Variants in KIAA0825 observed in about 807,000 individuals in gnomAD.
KIAA0825 encodes the protein uncharacterized protein KIAA0825.
Under a neutral mutation model 147.6 loss-of-function variants are expected in KIAA0825, and 119 were observed. That is an observed-to-expected ratio of 0.81 (90% CI 0.69 to 0.94). The LOEUF (loss-of-function observed/expected upper bound fraction) is 0.94, where lower values mean the gene tolerates loss of function less well. KIAA0825 is among the 40% of genes least tolerant of loss of function. The pLI, the probability that KIAA0825 is intolerant of heterozygous loss-of-function variation, is 0.00. For synonymous variants in KIAA0825, 470 were observed against 518.1 expected (o/e 0.91, Z 1.26); for missense variants, 1,381 against 1,472.7 (o/e 0.94, Z 1.02).
chr5:94,403,945 C>G (rs953363507), intron 15 of KIAA0825, among the ~76,000 whole-genome samples, 152 bp from the exon 16 acceptor site: 1 of 151,820 alleles, frequency 6.6e-6, no homozygotes, highest in South Asian at 2.1e-4. Context: ...GATAACCACC[C>G]CATAAAACAT....
intron 20 of KIAA0825, among the ~76,000 whole-genome samples, chr5:94,234,474 C>T (rs1774930175): frequency 6.6e-6 from 1 of 152,070 alleles, no homozygotes; most frequent in Non-Finnish European, 1.5e-5. Flanking sequence ...GGCCATTCTT[C>T]CATTGCCATA....
At position 94,236,811 on chromosome 5, in the gene KIAA0825, G is replaced by A. The variant is rs558385381; in HGVS notation, c.3711-82687C>T. ...GCAAAATTATTATGTCTTGCTGAAG[G>A]CCCAGATGCTCCTTAGTATTTTAAA... is the stretch of plus-strand genomic sequence containing the variant. On this transcript the variant is annotated intron_variant, in intron 20 of 20. Coordinates refer to ENST00000682413, the MANE Select transcript of KIAA0825 (RefSeq NM_001145678.3). 9.9e-5 allele frequency among the ~76,000 whole-genome samples: 15 copies of A among 152,238 alleles called. 1 individual carries two copies. In the East Asian group the frequency reaches 2.9e-3, roughly 29 times the overall value.
At chr5:94,440,919 G>A (rs762069788) in intron 13 of KIAA0825, among the ~76,000 whole-genome samples, 4 of 151,902 alleles carry the variant, frequency 2.6e-5, no homozygotes, top group Admixed American at 6.6e-5. Flanking sequence ...CTTACAAGGA[G>A]AACAACAACA....
At chr5:94,325,275 T>C (rs1354925203) in intron 20 of KIAA0825, among the ~76,000 whole-genome samples, 1 of 151,990 alleles carries the variant, frequency 6.6e-6, no homozygotes, top group African/African-American at 2.4e-5. Flanking sequence ...CATTGCCTAC[T>C]AATTAAATCC....
chr5:94,234,252 T>G (rs1774907556), intron 20 of KIAA0825, among the ~76,000 whole-genome samples: 1 of 151,542 alleles, frequency 6.6e-6, no homozygotes, highest in South Asian at 2.1e-4. Flanking sequence ...GCACCTGTAG[T>G]CCCAGCTACG....
At chr5:94,160,452 T>A (rs9790957) in intron 20 of KIAA0825, among the ~76,000 whole-genome samples, 148,812 of 149,252 alleles carry the variant, frequency 1, 74,187 homozygotes, top group Middle Eastern at 1. Flanking sequence ...TATAGTACAT[T>A]TCTGTATATA....
chr5:94,537,601 T>C (rs942535846), intron 2 of KIAA0825, among the ~76,000 whole-genome samples: 10 of 150,146 alleles, frequency 6.7e-5, no homozygotes, highest in African/African-American at 1.5e-4. Context: ...TGAGCCGCGA[T>C]TGCGCCACTG....
chr5:94,170,044 T>C (rs903540671), intron 20 of KIAA0825, among the ~76,000 whole-genome samples: 9 of 152,098 alleles, frequency 5.9e-5, no homozygotes, highest in African/African-American at 2.2e-4. Flanking sequence ...ATGTTTCATA[T>C]AACAATAGTG....
chr5:94,594,260 C>T (rs1784868323), intron 1 of KIAA0825: 2 of 618,880 alleles, frequency 3.2e-6, no homozygotes, highest in South Asian at 1.4e-5. Context: ...ATAGATCAGT[C>T]TGCTTGGAAT....
chr5:94,316,732 T>A (rs1415987740), intron 20 of KIAA0825, among the ~76,000 whole-genome samples: 1 of 151,830 alleles, frequency 6.6e-6, no homozygotes, highest in Non-Finnish European at 1.5e-5. Context: ...GGCAGTATGC[T>A]TTTGCATCCT....
chr5:94,586,139 C>T (rs1783239447), intron 1 of KIAA0825, among the ~76,000 whole-genome samples: 4 of 151,982 alleles, frequency 2.6e-5, no homozygotes, highest in Admixed American at 2.6e-4. Context: ...ACTAGAGAAG[C>T]AAGAGCAAAT....
At chr5:94,319,384 T>G (rs1264240868) in intron 20 of KIAA0825, among the ~76,000 whole-genome samples, 1 of 151,920 alleles carries the variant, frequency 6.6e-6, no homozygotes, top group African/African-American at 2.4e-5. Context: ...ACCATCTGTA[T>G]GCTGATTACA....
At chr5:94,545,352 T>C (rs898397021) in intron 2 of KIAA0825, among the ~76,000 whole-genome samples, 2 of 152,130 alleles carry the variant, frequency 1.3e-5, no homozygotes, top group South Asian at 4.1e-4. Flanking sequence ...TAAGGCAGTA[T>C]ATGACCTAAG....
intron 20 of KIAA0825, among the ~76,000 whole-genome samples, chr5:94,286,215 A>C (rs1339795917): frequency 6.6e-6 from 1 of 152,188 alleles, no homozygotes; most frequent in Non-Finnish European, 1.5e-5. Context: ...CTTTCTGATT[A>C]GCAGACTTGG....
intron 20 of KIAA0825, among the ~76,000 whole-genome samples, chr5:94,353,177 TA>T (rs1000681007): frequency 6.6e-5 from 10 of 152,140 alleles, no homozygotes; most frequent in Admixed American, 2.0e-4. Flanking sequence ...CTACTTTTTT[TA>T]AAAAAACTAT....
intron 13 of KIAA0825, among the ~76,000 whole-genome samples, chr5:94,447,145 CTT>C (rs2150880056): frequency 6.6e-6 from 1 of 152,024 alleles, no homozygotes; most frequent in South Asian, 2.1e-4. Context: ...TTTGAGATGT[CTT>C]TATGATTTCC....
intron 17 of KIAA0825, among the ~76,000 whole-genome samples, chr5:94,394,021 T>C (rs29920): frequency 0.2 from 29,963 of 151,782 alleles, 3,587 homozygotes; most frequent in African/African-American, 0.34. Context: ...TAATTTTTTT[T>C]TTGTATTTTT....
At chr5:94,311,508 C>T (rs1779170229) in intron 20 of KIAA0825, among the ~76,000 whole-genome samples, 2 of 151,484 alleles carry the variant, frequency 1.3e-5, no homozygotes, top group South Asian at 2.1e-4. Context: ...AATTTCTTTA[C>T]AAAAATACTG....
chr5:94,358,406 T>C (rs1409884498), intron 20 of KIAA0825, among the ~76,000 whole-genome samples: 3 of 152,212 alleles, frequency 2.0e-5, no homozygotes, highest in Non-Finnish European at 4.4e-5. Flanking sequence ...TAAGGAAACA[T>C]GGAAGACAGT....
Sources: allele counts gnomAD v4.1 joint callset (sites outside exome capture counted in the v4.1 genomes callset), GRCh38; gene constraint gnomAD v4.1.1; transcripts MANE v1.5; gene names NCBI Gene and HGNC (gene_info 2026-07-23, HGNC 2026-07-21).